The following SLC39A11 variants were observed in gnomAD, a reference collection of about 807,000 sequenced individuals.
SLC39A11 encodes zinc transporter ZIP11.
SLC39A11 carries 33 observed loss-of-function variants against 36.1 expected under a neutral mutation model. The observed-to-expected ratio is 0.91, with a 90% CI of 0.69 to 1.22. The LOEUF (loss-of-function observed/expected upper bound fraction) is 1.22, where lower values mean the gene tolerates loss of function less well. SLC39A11 is among the 50% of genes most tolerant of loss of function. The pLI is 0.00. For synonymous variants in SLC39A11, 166 were observed against 170.3 expected, an observed-to-expected ratio of 0.97 and a Z score of 0.20; for missense variants, 432 against 430.3, an observed-to-expected ratio of 1.00 and a Z score of -0.03.
intron 7 of SLC39A11, among the ~76,000 whole-genome samples, chr17:72,730,004 A>C (rs2074149201): frequency 1.3e-5 from 2 of 152,230 alleles, no homozygotes; most frequent in Non-Finnish European, 2.9e-5. Context: ...CATTGATCTT[A>C]GGGTATGTAT....
intron 6 of SLC39A11, among the ~76,000 whole-genome samples, chr17:72,820,186 G>T (rs1301554644): frequency 6.6e-6 from 1 of 151,222 alleles, no homozygotes; most frequent in East Asian, 1.9e-4. Flanking sequence ...TGGTACCATT[G>T]CCTGCTGGAA....
intron 5 of SLC39A11, among the ~76,000 whole-genome samples, chr17:72,905,353 T>C (rs559978528): frequency 1.3e-5 from 2 of 151,316 alleles, no homozygotes; most frequent in East Asian, 3.9e-4. Flanking sequence ...CCCAGCAATT[T>C]GGGAGGCCAA....
chr17:73,015,939 A>C (rs921281509), intron 4 of SLC39A11, among the ~76,000 whole-genome samples: 21 of 152,164 alleles, frequency 1.4e-4, no homozygotes, highest in African/African-American at 4.6e-4. Context: ...TTCTCATCTT[A>C]GACTATGACA....
At chr17:72,940,261 A>T (rs1242133623) in intron 5 of SLC39A11, among the ~76,000 whole-genome samples, 1 of 147,264 alleles carries the variant, frequency 6.8e-6, no homozygotes, top group Non-Finnish European at 1.5e-5. Flanking sequence ...AAAAGATCAG[A>T]CTTAGAGCCA....
chr17:72,675,178 G>A (rs903356683), intron 7 of SLC39A11, among the ~76,000 whole-genome samples: 3 of 152,120 alleles, frequency 2.0e-5, no homozygotes, highest in South Asian at 2.1e-4. Context: ...ACCTAATCAC[G>A]ATTGTGATGG....
chr17:73,063,239 A>G (rs188941987), intron 3 of SLC39A11, among the ~76,000 whole-genome samples: 14 of 152,356 alleles, frequency 9.2e-5, no homozygotes, highest in Admixed American at 9.1e-4. Context: ...TAACTGAATC[A>G]ATTGGATTGA....
intron 5 of SLC39A11, among the ~76,000 whole-genome samples, chr17:72,882,797 C>CTT (rs972532779): frequency 9.9e-5 from 6 of 60,606 alleles, no homozygotes; most frequent in African/African-American, 1.3e-4. Context: ...GAGAATGCTT[C>CTT]TTTTTTTTTT....
intron 4 of SLC39A11, among the ~76,000 whole-genome samples, chr17:72,987,990 T>C (rs1318344343): frequency 2.0e-5 from 3 of 152,138 alleles, no homozygotes; most frequent in Non-Finnish European, 4.4e-5. Context: ...GTCAGCTCTC[T>C]TTTTTATTAT....
At chr17:72,815,765 T>A (rs55997553) in intron 6 of SLC39A11, among the ~76,000 whole-genome samples, 11,570 of 151,954 alleles carry the variant, frequency 0.076, 442 homozygotes, top group Middle Eastern at 0.12. Flanking sequence ...CTACTAAAAA[T>A]ACAAAAATTA....
chr17:72,708,967 G>A (rs191020434), intron 7 of SLC39A11, among the ~76,000 whole-genome samples: 45 of 148,232 alleles, frequency 3.0e-4, no homozygotes, highest in African/African-American at 1.0e-3. Flanking sequence ...ACGGAGTCTC[G>A]CGCTGTTGCC....
intron 7 of SLC39A11, among the ~76,000 whole-genome samples, chr17:72,715,169 T>C (rs905713547): frequency 1.3e-5 from 2 of 152,152 alleles, no homozygotes; most frequent in African/African-American, 4.8e-5. Flanking sequence ...CGCGAGAGGC[T>C]CTCTCCTCCA....
intron 6 of SLC39A11, among the ~76,000 whole-genome samples, chr17:72,792,372 C>T (rs560010452): frequency 2.0e-5 from 3 of 152,276 alleles, no homozygotes; most frequent in South Asian, 2.1e-4. Context: ...AAGTTGAGGA[C>T]TGGGCTGGGT....
intron 6 of SLC39A11, among the ~76,000 whole-genome samples, chr17:72,817,690 G>A (rs1159237229): frequency 6.6e-6 from 1 of 152,164 alleles, no homozygotes; most frequent in African/African-American, 2.4e-5. Context: ...CTTAGACTGT[G>A]TTAGCATCTA....
At chr17:72,715,824 C>G in intron 7 of SLC39A11, among the ~76,000 whole-genome samples, 1 of 152,136 alleles carries the variant, frequency 6.6e-6, no homozygotes, top group East Asian at 1.9e-4. Flanking sequence ...GTGCCTCAGC[C>G]TCCTGAGTAG....
chr17:72,813,354 C>T (rs558071892), intron 6 of SLC39A11, among the ~76,000 whole-genome samples: 39 of 152,206 alleles, frequency 2.6e-4, no homozygotes, highest in African/African-American at 9.2e-4. Flanking sequence ...CTAAAAATTT[C>T]GATATTTTTG....
At chr17:73,083,015 C>CAAA (rs34607510) in intron 3 of SLC39A11, among the ~76,000 whole-genome samples, 40,179 of 89,482 alleles carry the variant, frequency 0.45, 9,844 homozygotes, top group East Asian at 0.62. Context: ...GACTCCATTT[C>CAAA]AAAAAAAAAA....
At chr17:72,797,385 C>A (rs1331460778) in intron 6 of SLC39A11, among the ~76,000 whole-genome samples, 1 of 152,054 alleles carries the variant, frequency 6.6e-6, no homozygotes, top group Non-Finnish European at 1.5e-5. Context: ...AATAGAGTAA[C>A]TACTGGCAGG....
intron 5 of SLC39A11, among the ~76,000 whole-genome samples, chr17:72,884,494 T>A (rs766339870): frequency 1.6e-4 from 24 of 152,254 alleles, no homozygotes; most frequent in Non-Finnish European, 3.2e-4. Context: ...CCTCTTGGCT[T>A]TATTTAATGT....
intron 4 of SLC39A11, among the ~76,000 whole-genome samples, chr17:73,027,646 G>A (rs1378052115): frequency 6.6e-6 from 1 of 152,180 alleles, no homozygotes; most frequent in South Asian, 2.1e-4. Context: ...AATCTGAAAG[G>A]CTGAAGGAAC....
Sources: allele counts gnomAD v4.1 joint callset (sites outside exome capture counted in the v4.1 genomes callset), GRCh38; gene constraint gnomAD v4.1.1; transcripts MANE v1.5; gene names NCBI Gene and HGNC (gene_info 2026-07-23, HGNC 2026-07-21).